Variants in GPR158 observed in about 807,000 individuals in gnomAD.
GPR158 encodes the protein G protein-coupled receptor 158.
Under a neutral mutation model 78.2 loss-of-function variants are expected in GPR158, and 30 were observed. The observed-to-expected ratio is 0.38, with a 90% confidence interval of 0.29 to 0.52. The LOEUF (loss-of-function observed/expected upper bound fraction) is 0.52, where lower values mean the gene tolerates loss of function less well. Among genes scored for constraint, GPR158 ranks in the 20% least tolerant of loss-of-function variants. GPR158 has a pLI of 0.83. For synonymous variants in GPR158, 581 were observed against 591.1 expected (o/e 0.98, Z 0.25); for missense variants, 1,463 against 1,523.5 (o/e 0.96, Z 0.66).
chr10:25,527,050 A>T (rs1836357371), intron 5 of GPR158, among the ~76,000 whole-genome samples: 1 of 151,508 alleles, frequency 6.6e-6, no homozygotes, highest in Non-Finnish European at 1.5e-5. Context: ...AAAGAGGGAC[A>T]TGTTATCATG....
chr10:25,285,565 A>G (rs1854339170), intron 2 of GPR158, among the ~76,000 whole-genome samples: 1 of 152,042 alleles, frequency 6.6e-6, no homozygotes, highest in African/African-American at 2.4e-5. Context: ...GGATGAGAAA[A>G]GTGTATTCCA....
intron 2 of GPR158, among the ~76,000 whole-genome samples, chr10:25,256,497 AT>A (rs939964610): frequency 4.7e-5 from 7 of 149,618 alleles, no homozygotes; most frequent in African/African-American, 1.5e-4. Context: ...ACAATCTACA[AT>A]TTTTTTTTTA....
intron 2 of GPR158, among the ~76,000 whole-genome samples, chr10:25,221,877 C>A (rs1853303843): frequency 6.6e-6 from 1 of 152,128 alleles, no homozygotes; most frequent in Non-Finnish European, 1.5e-5. Flanking sequence ...AATACTTGGG[C>A]TAGTCCAACA....
intron 2 of GPR158, among the ~76,000 whole-genome samples, chr10:25,354,218 G>A (rs1456751700): frequency 6.6e-6 from 1 of 151,816 alleles, no homozygotes; most frequent in Admixed American, 6.6e-5. Flanking sequence ...AGCCAGGCGT[G>A]GTGGCTCATG....
chr10:25,514,858 T>C (rs560432884), intron 5 of GPR158, among the ~76,000 whole-genome samples: 5 of 152,198 alleles, frequency 3.3e-5, no homozygotes, highest in Admixed American at 6.5e-5. Flanking sequence ...CTTTTCTAGC[T>C]TGTAGGGTTT....
chr10:25,491,174 A>G (rs1835804294), intron 5 of GPR158, among the ~76,000 whole-genome samples: 1 of 152,156 alleles, frequency 6.6e-6, no homozygotes. Context: ...GCTTTTCTAT[A>G]GATCTTTGTA....
chr10:25,355,063 C>T (rs574242724), intron 2 of GPR158, among the ~76,000 whole-genome samples: 1 of 151,982 alleles, frequency 6.6e-6, no homozygotes, highest in Non-Finnish European at 1.5e-5. Flanking sequence ...GTTTGGTGTT[C>T]TCTTACTGTC....
In GPR158 at chr10:25,175,686, G is replaced by C; in HGVS notation, c.266G>C (p.Gly89Ala). 6.2e-7 allele frequency: 1 copy of C among 1,611,714 alleles called. No individual in the cohort carries two copies. Among genetic ancestry groups the C allele is most frequent in the Non-Finnish European group, 8.5e-7 (1 of 1,179,930 alleles). The change falls in exon 1 of 11, where the codon GGG becomes GCG. Residue 89 changes from glycine (G) to alanine (A), a missense_variant. Coordinates refer to ENST00000376351, the MANE Select transcript of GPR158 (RefSeq NM_020752.3). The surrounding 1 kb of genome is among the most constrained non-coding windows in gnomAD (Gnocchi z 6.4). ...PMDVASYLYT[G>A]DSHQLKRANC... is the part of the protein sequence containing the mutation. ...GACGTGGCCTCTTACCTCTACACCG[G>C]GGACTCCCACCAGCTGAAGCGAGCC...
intron 2 of GPR158, among the ~76,000 whole-genome samples, chr10:25,242,043 A>G (rs1181628567): frequency 6.6e-6 from 1 of 152,224 alleles, no homozygotes; most frequent in African/African-American, 2.4e-5. Flanking sequence ...GTTTCTATAA[A>G]CTAAACATGG....
chr10:25,223,679 C>T (rs773612925), intron 2 of GPR158, among the ~76,000 whole-genome samples: 4 of 152,172 alleles, frequency 2.6e-5, no homozygotes, highest in African/African-American at 9.7e-5. Context: ...AACAACCCCT[C>T]TGTTACCATC....
intron 5 of GPR158, among the ~76,000 whole-genome samples, chr10:25,504,944 T>C (rs1207623307): frequency 6.6e-6 from 1 of 152,192 alleles, no homozygotes; most frequent in Non-Finnish European, 1.5e-5. Flanking sequence ...AAAGTAATAC[T>C]GCCTGGAATT....
chr10:25,386,466 A>G (rs1834223455), intron 2 of GPR158, among the ~76,000 whole-genome samples: 1 of 152,158 alleles, frequency 6.6e-6, no homozygotes, highest in Admixed American at 6.5e-5. Context: ...GATTTCTGCA[A>G]AAAATGTCAT....
At position 25,551,668 on chromosome 10, in the gene GPR158, A is replaced by G. The variant is rs897052400; in HGVS notation, c.1514+583A>G. ...CCTAAATATTGGGGTGGGGCAGGGG[A>G]AGCAACAAAATGAACTACCTATCTA... On this transcript the variant is annotated intron_variant, in intron 6 of 10. Transcript: ENST00000376351. Among the ~76,000 whole-genome samples the G allele has an allele frequency of 3.3e-5, 5 of 152,130 alleles. No homozygotes were observed. The East Asian group carries it at 9.7e-4, about 29-fold the overall frequency.
chr10:25,324,861 C>T (rs1347781479), intron 2 of GPR158, among the ~76,000 whole-genome samples: 3 of 121,672 alleles, frequency 2.5e-5, no homozygotes, highest in Non-Finnish European at 4.8e-5. Context: ...GACATTGAGA[C>T]AAGGTGTTGC....
At chr10:25,258,681 A>G (rs925811928) in intron 2 of GPR158, among the ~76,000 whole-genome samples, 3 of 152,164 alleles carry the variant, frequency 2.0e-5, no homozygotes, top group Non-Finnish European at 4.4e-5. Flanking sequence ...TCTGTGAAGA[A>G]CAAGATAATA....
intron 5 of GPR158, among the ~76,000 whole-genome samples, chr10:25,547,418 T>C (rs533128684): frequency 5.3e-5 from 8 of 152,198 alleles, no homozygotes; most frequent in Non-Finnish European, 8.8e-5. Context: ...TGGCTGTAAC[T>C]ATACGCTCCA....
At chr10:25,552,090 G>A (rs1402971616) in intron 6 of GPR158, among the ~76,000 whole-genome samples, 1 of 152,108 alleles carries the variant, frequency 6.6e-6, no homozygotes, top group African/African-American at 2.4e-5. Context: ...AAAAAAAAGT[G>A]AATGTGTTTG....
chr10:25,203,246 T>G (rs1026653960), intron 1 of GPR158, among the ~76,000 whole-genome samples: 2 of 152,214 alleles, frequency 1.3e-5, no homozygotes, highest in South Asian at 4.1e-4. Flanking sequence ...GTGCAGAAGC[T>G]CTTTAGTTTA....
chr10:25,320,832 T>C (rs952053455), intron 2 of GPR158, among the ~76,000 whole-genome samples: 1 of 152,190 alleles, frequency 6.6e-6, no homozygotes, highest in African/African-American at 2.4e-5. Context: ...TAATCTGAAC[T>C]GTAGGAAATG....
Sources: gnomAD v4.1 joint callset for allele counts (sites outside exome capture counted in the v4.1 genomes callset) on GRCh38, gnomAD v4.1.1 for gene constraint, Gnocchi (gnomAD v3.1) non-coding constraint, MANE v1.5 for transcripts, NCBI Gene and HGNC (gene_info 2026-07-23, HGNC 2026-07-21) for gene names.